Variants in FHIT observed in about 807,000 individuals in gnomAD.
FHIT encodes bis(5'-adenosyl)-triphosphatase.
A neutral mutation model predicts 17.9 loss-of-function variants in FHIT; 19 were observed. The observed-to-expected ratio is 1.06, with a 90% CI of 0.74 to 1.56. The LOEUF is 1.56. Among genes scored for constraint, FHIT ranks in the 40% most tolerant of loss-of-function variants. The pLI, the probability that FHIT is intolerant of heterozygous loss-of-function variation, is 0.00. For synonymous variants in FHIT, 81 were observed against 69.7 expected (o/e 1.16, Z -0.81); for missense variants, 248 against 189.2 (o/e 1.31, Z -1.82).
intron 3 of FHIT, among the ~76,000 whole-genome samples, chr3:60,923,994 G>C (rs958009611): frequency 1.5e-4 from 23 of 152,152 alleles, no homozygotes; most frequent in Non-Finnish European, 2.2e-4. Context: ...AGTGTAAGGC[G>C]GCAGCGAGGC....
At chr3:59,857,576 A>G (rs1702211318) in intron 8 of FHIT, among the ~76,000 whole-genome samples, 1 of 152,162 alleles carries the variant, frequency 6.6e-6, no homozygotes, top group African/African-American at 2.4e-5. Context: ...AGAGAAACTT[A>G]CATATCGATT....
rs1704861713 is a variant in FHIT, at chr3:60,114,495, T to TTTTTTTTTTTTTTTTTG, written c.104-100344_104-100343insCAAAAAAAAAAAAAAAA. Among the ~76,000 whole-genome samples, 2 of 104,802 alleles carry TTTTTTTTTTTTTTTTTG rather than the reference T, an allele frequency of 1.9e-5. 1 individual carries two copies. The highest frequency in any genetic ancestry group is 4.2e-5 in the Non-Finnish European group (2 of 47,120). 68.8% of individuals were successfully genotyped at this position (104,802 alleles called of 152,430 possible). The stretch of plus-strand genomic sequence containing the variant: ...AGGAAGAACAAGAGAAATCCTTTTT[T>TTTTTTTTTTTTTTTTTG]TTTTTTTTTTTTTTTTTTGAGACAA... On this transcript the variant is annotated intron_variant, in intron 5 of 9. Coordinates refer to ENST00000492590, the MANE Select transcript of FHIT (RefSeq NM_002012.4).
intron 2 of FHIT, among the ~76,000 whole-genome samples, chr3:61,098,110 C>T (rs1223599459): frequency 3.3e-5 from 5 of 151,980 alleles, no homozygotes; most frequent in African/African-American, 2.4e-5. Context: ...TAAGCTATCT[C>T]GAGTTAATTT....
intron 3 of FHIT, among the ~76,000 whole-genome samples, chr3:60,860,078 GAT>G (rs1289360759): frequency 5.1e-4 from 74 of 146,216 alleles, no homozygotes; most frequent in African/African-American, 1.7e-3. Context: ...TGATATATCT[GAT>G]ATATGATATA....
intron 4 of FHIT, chr3:60,537,534 A>C: frequency 1.2e-6 from 1 of 857,462 alleles, no homozygotes; most frequent in Non-Finnish European, 1.4e-6. Context: ...AGGAGAAAAA[A>C]AACATTTAAA....
At chr3:60,373,085 G>A (rs1700401227) in intron 5 of FHIT, among the ~76,000 whole-genome samples, 1 of 152,046 alleles carries the variant, frequency 6.6e-6, no homozygotes, top group Non-Finnish European at 1.5e-5. Context: ...GACAATATTG[G>A]GTGATGGACA....
At chr3:60,183,999 T>TG (rs746177594) in intron 5 of FHIT, among the ~76,000 whole-genome samples, 2 of 5,370 alleles carry the variant, frequency 3.7e-4, no homozygotes, top group African/African-American at 6.9e-4. Context: ...TTATTTTTCG[T>TG]TTTTTTTTTT....
At chr3:60,173,668 G>A (rs1437928054) in intron 5 of FHIT, among the ~76,000 whole-genome samples, 5 of 151,432 alleles carry the variant, frequency 3.3e-5, no homozygotes, top group South Asian at 2.1e-4. Context: ...ATGTTTCCGG[G>A]GCTGCAGAAT....
In FHIT at chr3:60,928,300, T is replaced by A. The variant is rs533915290; in HGVS notation, c.-110-106289A>T. 6.9e-3 allele frequency among the ~76,000 whole-genome samples: 768 copies of A among 111,980 alleles called. 8 individuals carry two copies. The highest frequency in any genetic ancestry group is 0.026 in the African/African-American group (748 of 29,118). The allele number at this position is 111,980 out of a possible 152,430, so 73.5% of individuals were successfully genotyped here. ...CTCTCTGAGAAACACCCAAGAATGA[T>A]CAACAAATACTAAAAAAATTAAAAA... On this transcript the variant is annotated intron_variant, in intron 3 of 9. Coordinates refer to ENST00000492590, the MANE Select transcript of FHIT (RefSeq NM_002012.4).
intron 7 of FHIT, among the ~76,000 whole-genome samples, chr3:59,932,519 T>G (rs1341138254): frequency 6.6e-6 from 1 of 152,184 alleles, no homozygotes; most frequent in African/African-American, 2.4e-5. Context: ...GCTGTTGTCA[T>G]AGTTCTGTCA....
At chr3:60,220,544 ATTAT>A (rs1011116152) in intron 5 of FHIT, among the ~76,000 whole-genome samples, 30 of 152,278 alleles carry the variant, frequency 2.0e-4, no homozygotes, top group Middle Eastern at 3.4e-3. Context: ...ATGAATTCAA[ATTAT>A]TTATTATGGT....
chr3:60,329,892 G>C (rs6773826), intron 5 of FHIT, among the ~76,000 whole-genome samples: 1 of 151,948 alleles, frequency 6.6e-6, no homozygotes, highest in Non-Finnish European at 1.5e-5. Context: ...CTTTGAAAAA[G>C]ACTTGCATCT....
chr3:60,775,377 T>C (rs1396914421), intron 4 of FHIT, among the ~76,000 whole-genome samples: 3 of 152,120 alleles, frequency 2.0e-5, no homozygotes, highest in Non-Finnish European at 1.5e-5. Context: ...GGGAATTTCA[T>C]CATGTTTGCA....
chr3:60,926,821 G>C (rs1553770083), intron 3 of FHIT, among the ~76,000 whole-genome samples: 3 of 152,126 alleles, frequency 2.0e-5, no homozygotes, highest in African/African-American at 7.2e-5. Flanking sequence ...GACTAATAAA[G>C]AAGAAGAGAG....
chr3:61,058,737 A>C (rs111648305), intron 2 of FHIT, among the ~76,000 whole-genome samples: 215 of 152,346 alleles, frequency 1.4e-3, no homozygotes, highest in African/African-American at 4.8e-3. Context: ...AGTTTCAGGT[A>C]GTTCTTTATA....
At chr3:61,020,083 T>A (rs983058986) in intron 3 of FHIT, among the ~76,000 whole-genome samples, 4 of 152,176 alleles carry the variant, frequency 2.6e-5, no homozygotes, top group African/African-American at 9.7e-5. Flanking sequence ...AAGTGGTATT[T>A]CTTGTTCTAG....
At chr3:60,296,800 T>C (rs539154759) in intron 5 of FHIT, among the ~76,000 whole-genome samples, 1 of 152,122 alleles carries the variant, frequency 6.6e-6, no homozygotes, top group South Asian at 2.1e-4. Flanking sequence ...ACATTAATGT[T>C]CATGAGACAT....
intron 2 of FHIT, among the ~76,000 whole-genome samples, chr3:61,187,392 A>C (rs528621976): frequency 6.6e-6 from 1 of 152,320 alleles, no homozygotes; most frequent in East Asian, 1.9e-4. Context: ...TATCCTAAAT[A>C]TATATGCACC....
intron 3 of FHIT, among the ~76,000 whole-genome samples, chr3:61,001,934 G>C (rs2031113400): frequency 6.6e-6 from 1 of 151,818 alleles, no homozygotes; most frequent in Admixed American, 6.5e-5. Flanking sequence ...ACTGGAAAAA[G>C]GGTACACAGG....
Sources: allele counts gnomAD v4.1 joint callset (sites outside exome capture counted in the v4.1 genomes callset), GRCh38; gene constraint gnomAD v4.1.1; transcripts MANE v1.5; gene names NCBI Gene and HGNC (gene_info 2026-07-23, HGNC 2026-07-21).